The following NRXN3 variants were observed in gnomAD, a reference collection of about 807,000 sequenced individuals.
The protein encoded by NRXN3 is neurexin III.
In NRXN3, 32 loss-of-function variants were observed where a neutral mutation model predicts 137.6. That is an observed-to-expected ratio of 0.23 (90% CI 0.18 to 0.31). NRXN3 has a LOEUF of 0.31. Among genes scored for constraint, NRXN3 ranks in the 10% least tolerant of loss-of-function variants. NRXN3 has a pLI of 1.00. For synonymous variants in NRXN3, 798 were observed against 784.5 expected, an observed-to-expected ratio of 1.02 and a Z score of -0.29; for missense variants, 1,574 against 2,062.5, an observed-to-expected ratio of 0.76 and a Z score of 4.59.
At chr14:78,929,576 A>T (rs2099315893) in intron 10 of NRXN3, among the ~76,000 whole-genome samples, 1 of 152,194 alleles carries the variant, frequency 6.6e-6, no homozygotes, top group African/African-American at 2.4e-5. Context: ...CATGGTGCAT[A>T]TGCTTTATCA....
chr14:78,564,187 G>A (rs556094195), intron 4 of NRXN3, among the ~76,000 whole-genome samples: 95 of 152,172 alleles, frequency 6.2e-4, no homozygotes, highest in Non-Finnish European at 1.0e-3. Flanking sequence ...CAATAATAAT[G>A]GAGAGAGGAG....
At chr14:78,472,216 G>C (rs1290270621) in intron 4 of NRXN3, among the ~76,000 whole-genome samples, 3 of 152,132 alleles carry the variant, frequency 2.0e-5, no homozygotes, top group Non-Finnish European at 4.4e-5. Context: ...CCTCTTTCTT[G>C]GTCACTGTCT....
chr14:79,690,561 A>G (rs2098712893), intron 17 of NRXN3, among the ~76,000 whole-genome samples: 1 of 152,146 alleles, frequency 6.6e-6, no homozygotes, highest in Admixed American at 6.6e-5. Context: ...CCCAAAACAT[A>G]GGCTAGAAGC....
At chr14:79,281,193 G>A (rs1340224302) in intron 15 of NRXN3, among the ~76,000 whole-genome samples, 1 of 152,146 alleles carries the variant, frequency 6.6e-6, no homozygotes, top group Non-Finnish European at 1.5e-5. Context: ...CAGAAAGGAA[G>A]CAATATGTAA....
chr14:79,137,243 T>C (rs574269985), intron 15 of NRXN3, among the ~76,000 whole-genome samples: 1 of 152,320 alleles, frequency 6.6e-6, no homozygotes, highest in Admixed American at 6.5e-5. Flanking sequence ...CTAAAGTATT[T>C]TGGCCTTCAG....
chr14:78,256,698 T>C (rs2069676180), intron 2 of NRXN3, among the ~76,000 whole-genome samples: 1 of 152,252 alleles, frequency 6.6e-6, no homozygotes, highest in African/African-American at 2.4e-5. Context: ...CTCATATTCC[T>C]AGGAACCTGC....
rs148473959 is a variant in NRXN3, at chr14:78,205,169, C to A, written c.-704+34495C>A. On this transcript the variant is annotated intron_variant, in intron 1 of 20. Transcript: ENST00000335750. ...TTTGGAGACTGAAGGGCTGGGGATG[C>A]CAGAGGGTTAATGTCTAAATATCAT... Among the ~76,000 whole-genome samples, 1,130 of 152,166 alleles carry A rather than the reference C, an allele frequency of 7.4e-3. 8 individuals carry two copies. Among genetic ancestry groups the A allele is most frequent in the Non-Finnish European group, 0.012 (813 of 68,014 alleles).
intron 10 of NRXN3, among the ~76,000 whole-genome samples, chr14:78,856,707 G>T (rs1362922236): frequency 6.6e-6 from 1 of 151,976 alleles, no homozygotes; most frequent in African/African-American, 2.4e-5. Flanking sequence ...ATCTTTAAAG[G>T]TGATGCTCAA....
intron 4 of NRXN3, among the ~76,000 whole-genome samples, chr14:78,428,318 A>G (rs559761282): frequency 3.9e-5 from 6 of 152,256 alleles, no homozygotes; most frequent in Non-Finnish European, 8.8e-5. Flanking sequence ...ACTCTCCCCT[A>G]ATTCAACCCT....
At chr14:78,973,619 A>G (rs2099452352) in intron 14 of NRXN3, among the ~76,000 whole-genome samples, 1 of 152,210 alleles carries the variant, frequency 6.6e-6, no homozygotes, top group Admixed American at 6.5e-5. Flanking sequence ...AAAATACCAC[A>G]TGTGAGATGT....
intron 15 of NRXN3, among the ~76,000 whole-genome samples, chr14:79,395,479 G>A (rs2094988479): frequency 6.6e-6 from 1 of 152,090 alleles, no homozygotes; most frequent in Non-Finnish European, 1.5e-5. Context: ...AGTAAAAGAT[G>A]TTGCATATGT....
At chr14:78,410,942 G>T (rs919133288) in intron 4 of NRXN3, among the ~76,000 whole-genome samples, 1 of 152,188 alleles carries the variant, frequency 6.6e-6, no homozygotes, top group East Asian at 1.9e-4. Flanking sequence ...AGGCAGCTTG[G>T]TGGAGAAGGC....
intron 6 of NRXN3, among the ~76,000 whole-genome samples, chr14:78,693,462 C>T (rs1033747606): frequency 3.3e-5 from 5 of 151,778 alleles, no homozygotes; most frequent in Admixed American, 3.3e-4. Context: ...ATCCCTGGTC[C>T]TCAGCTTTGT....
chr14:78,432,344 T>C (rs2093916754), intron 4 of NRXN3, among the ~76,000 whole-genome samples: 1 of 151,732 alleles, frequency 6.6e-6, no homozygotes, highest in Admixed American at 6.6e-5. Context: ...CTCCACCATG[T>C]GTGCCTGCAG....
Position 79,585,062 on chromosome 14 carries a change from C to T in NRXN3, c.3445-78716C>T, listed in dbSNP as rs112763064. On this transcript the variant is annotated intron_variant, in intron 16 of 20. Transcript: ENST00000335750. ...GCTAGAGACTAGAGGGCAGGCATAG[C>T]CCTCTATGGAGATGGGCCGTTCAAG... is the stretch of plus-strand genomic sequence containing the variant. Among the ~76,000 whole-genome samples the T allele has an allele frequency of 8.5e-4, 129 of 152,302 alleles. No homozygotes were observed. In the Middle Eastern group the frequency reaches 0.017, roughly 20 times the overall value.
intron 19 of NRXN3, among the ~76,000 whole-genome samples, chr14:79,763,372 G>T (rs977028951): frequency 1.9e-4 from 13 of 70,116 alleles, no homozygotes; most frequent in Non-Finnish European, 3.8e-4. Flanking sequence ...TTATACATAC[G>T]TGTGCATGTG....
chr14:78,201,341 G>C (rs577719580), intron 1 of NRXN3, among the ~76,000 whole-genome samples: 1 of 152,264 alleles, frequency 6.6e-6, no homozygotes, highest in Admixed American at 6.5e-5. Flanking sequence ...TCTACAAAAG[G>C]GCAGGCCCCT....
chr14:78,678,172 C>T (rs1272045549), intron 6 of NRXN3, among the ~76,000 whole-genome samples: 2 of 152,138 alleles, frequency 1.3e-5, no homozygotes, highest in African/African-American at 4.8e-5. Flanking sequence ...ATATATTACA[C>T]TTTGAGTGTT....
chr14:79,530,946 T>C (rs1178097076), intron 16 of NRXN3, among the ~76,000 whole-genome samples: 1 of 152,194 alleles, frequency 6.6e-6, no homozygotes, highest in Non-Finnish European at 1.5e-5. Context: ...ATTGTTTATC[T>C]CACGGAAACA....
Sources: gnomAD v4.1 joint callset for allele counts (sites outside exome capture counted in the v4.1 genomes callset) on GRCh38, gnomAD v4.1.1 for gene constraint, MANE v1.5 for transcripts, NCBI Gene and HGNC (gene_info 2026-07-23, HGNC 2026-07-21) for gene names.